The following RYR2 variants were observed in gnomAD, a reference collection of about 807,000 sequenced individuals.
RYR2 encodes ryanodine receptor 2.
A neutral mutation model predicts 601.1 loss-of-function variants in RYR2; 227 were observed. The ratio of observed to expected loss-of-function variants is 0.38; its 90% CI spans 0.34 to 0.42. The LOEUF (loss-of-function observed/expected upper bound fraction) is 0.42. RYR2 is among the 10% of genes least tolerant of loss of function. The probability of loss-of-function intolerance (pLI) is 1.00; values close to 1 mark genes in which losing one functional copy is unlikely to be tolerated. For synonymous variants in RYR2, 2,223 were observed against 2,175.1 expected, an observed-to-expected ratio of 1.02 and a Z score of -0.61; for missense variants, 4,646 against 6,156.5, an observed-to-expected ratio of 0.75 and a Z score of 8.21.
intron 1 of RYR2, among the ~76,000 whole-genome samples, chr1:237,225,037 T>C (rs1684212666): frequency 6.6e-6 from 1 of 152,190 alleles, no homozygotes; most frequent in Admixed American, 6.5e-5. Context: ...CCCAAGGTTC[T>C]GATCATTTCA....
chr1:237,749,478 G>A (rs1692361834), intron 80 of RYR2, among the ~76,000 whole-genome samples: 1 of 151,840 alleles, frequency 6.6e-6, no homozygotes, highest in African/African-American at 2.4e-5. Context: ...TTTCTCTGCT[G>A]AAAACAAGTC....
intron 58 of RYR2, among the ~76,000 whole-genome samples, chr1:237,669,988 G>C (rs1684760959): frequency 6.6e-6 from 1 of 152,140 alleles, no homozygotes; most frequent in South Asian, 2.1e-4. Context: ...CTGCACTCCA[G>C]CCTGGGCACC....
intron 1 of RYR2, among the ~76,000 whole-genome samples, chr1:237,061,493 G>A (rs570023180): frequency 1.3e-5 from 2 of 152,156 alleles, no homozygotes; most frequent in Non-Finnish European, 2.9e-5. Flanking sequence ...TTAATTTTTT[G>A]TAGAGATGAG....
At chr1:237,521,313 A>C (rs1168188946) in intron 24 of RYR2, among the ~76,000 whole-genome samples, 1 of 152,222 alleles carries the variant, frequency 6.6e-6, no homozygotes, top group Non-Finnish European at 1.5e-5. Context: ...CAAAAATACC[A>C]GCAAACAAAA....
At chr1:237,374,579 G>A (rs1414526651) in intron 6 of RYR2, 138 bp from the exon 7 acceptor site, 2 of 679,816 alleles carry the variant, frequency 2.9e-6, no homozygotes, top group East Asian at 3.0e-5. Context: ...GACTGCTTGA[G>A]CCCAGGAGGT....
intron 1 of RYR2, among the ~76,000 whole-genome samples, chr1:237,152,453 A>T (rs1674826278): frequency 6.6e-6 from 1 of 152,196 alleles, no homozygotes; most frequent in African/African-American, 2.4e-5. Context: ...TGGTTGAACT[A>T]GTTTACATTC....
chr1:237,593,171 T>C (rs905490143), intron 32 of RYR2, among the ~76,000 whole-genome samples: 1 of 152,196 alleles, frequency 6.6e-6, no homozygotes, highest in Non-Finnish European at 1.5e-5. Context: ...ATTACACACA[T>C]CTAGCACACA....
At chr1:237,274,102 A>G (rs1690008770) in intron 2 of RYR2, among the ~76,000 whole-genome samples, 1 of 147,388 alleles carries the variant, frequency 6.8e-6, no homozygotes, top group Non-Finnish European at 1.5e-5. Flanking sequence ...ATATATGATA[A>G]TGTAGATATA....
At chr1:237,558,578 G>A (rs1356584144) in intron 27 of RYR2, among the ~76,000 whole-genome samples, 1 of 152,108 alleles carries the variant, frequency 6.6e-6, no homozygotes, top group Non-Finnish European at 1.5e-5. Context: ...ATTATGATGT[G>A]TCTAGTTTTA....
At position 237,106,864 on chromosome 1, in the gene RYR2, C is replaced by T. The variant is rs539061431; in HGVS notation, c.48+64295C>T. On this transcript the variant is annotated intron_variant, in intron 1 of 104. Transcript: ENST00000366574. This position sits in a 1 kb window ranked among gnomAD's most constrained non-coding sequence, Gnocchi z 4.4. ...CGGCTGTCTTCTTGCTGTGTTGTCACGTGTAGAAGGGACAAAGGAGCTCTC... is the reference window on the plus strand; with the variant it reads ...CGGCTGTCTTCTTGCTGTGTTGTCATGTGTAGAAGGGACAAAGGAGCTCTC... Among the ~76,000 whole-genome samples, 29 of 152,216 alleles carry T rather than the reference C, an allele frequency of 1.9e-4. No homozygotes were observed. Among genetic ancestry groups the T allele is most frequent in the East Asian group, 1.2e-3 (6 of 5,166 alleles).
intron 1 of RYR2, among the ~76,000 whole-genome samples, chr1:237,144,311 T>C (rs1480657123): frequency 1.3e-5 from 2 of 152,174 alleles, no homozygotes; most frequent in African/African-American, 2.4e-5. Flanking sequence ...TTGTTACACA[T>C]AGTTTATGCT....
intron 1 of RYR2, among the ~76,000 whole-genome samples, chr1:237,050,195 G>A (rs1158380118): frequency 1.3e-5 from 2 of 152,132 alleles, no homozygotes; most frequent in East Asian, 1.9e-4. Flanking sequence ...CTGGGTGCAG[G>A]TACTTACCAC....
rs534736721 is a variant in RYR2, at chr1:237,688,670, T to C, written c.9067+1166T>C. Among the ~76,000 whole-genome samples, 13 of 152,318 alleles carry C rather than the reference T, an allele frequency of 8.5e-5. 1 individual carries two copies. In the South Asian group the frequency reaches 1.4e-3, roughly 17 times the overall value. On this transcript the variant is annotated intron_variant, in intron 63 of 104. Coordinates refer to ENST00000366574, the MANE Select transcript of RYR2 (RefSeq NM_001035.3). ...GAATAATTTCTAGTTCACTGACTTT[T>C]GTTTAACTTCTCTTCAACAGAGAAA...
chr1:237,263,673 G>A (rs1688752840), intron 1 of RYR2, among the ~76,000 whole-genome samples: 1 of 152,144 alleles, frequency 6.6e-6, no homozygotes, highest in African/African-American at 2.4e-5. Flanking sequence ...TTGTTGTAAT[G>A]GAAAGGCAGA....
intron 1 of RYR2, among the ~76,000 whole-genome samples, chr1:237,066,656 C>CAA (rs1663662461): frequency 5.2e-5 from 4 of 76,674 alleles, no homozygotes; most frequent in Non-Finnish European, 8.6e-5. Flanking sequence ...TTTTTTTTTT[C>CAA]TTCGAGACGG....
chr1:237,515,060 T>A (rs1666281592), intron 24 of RYR2, among the ~76,000 whole-genome samples: 1 of 152,198 alleles, frequency 6.6e-6, no homozygotes, highest in Non-Finnish European at 1.5e-5. Flanking sequence ...TTCTGTGATT[T>A]TTTTCTTATG....
intron 1 of RYR2, among the ~76,000 whole-genome samples, chr1:237,152,028 C>T (rs2148817757): frequency 6.6e-6 from 1 of 152,138 alleles, no homozygotes; most frequent in South Asian, 2.1e-4. Flanking sequence ...CGACAGGCCC[C>T]AGTGTGTGTT....
At chr1:237,397,785 C>A (rs558914002) in intron 10 of RYR2, among the ~76,000 whole-genome samples, 3 of 150,764 alleles carry the variant, frequency 2.0e-5, no homozygotes, top group Non-Finnish European at 4.4e-5. Flanking sequence ...GCAGTGGCGC[C>A]ATCTCGGCTC....
At chr1:237,617,617 G>C (rs1678615366) in intron 38 of RYR2, 131 bp downstream of exon 38, 1 of 861,510 alleles carries the variant, frequency 1.2e-6, no homozygotes, top group Admixed American at 2.9e-5. Flanking sequence ...AGTTGATTTA[G>C]TTAGTATTCT....
Sources: gnomAD v4.1 joint callset for allele counts (sites outside exome capture counted in the v4.1 genomes callset) on GRCh38, gnomAD v4.1.1 for gene constraint, Gnocchi (gnomAD v3.1) non-coding constraint, MANE v1.5 for transcripts, NCBI Gene and HGNC (gene_info 2026-07-23, HGNC 2026-07-21) for gene names.